Variants in COMMD1 observed in about 807,000 individuals in gnomAD.
COMMD1 encodes the protein COMM domain-containing protein 1.
A neutral mutation model predicts 17.2 loss-of-function variants in COMMD1; 10 were observed. The observed-to-expected ratio is 0.58, with a 90% CI of 0.36 to 0.99. The LOEUF (loss-of-function observed/expected upper bound fraction) is 0.99. Ranked by LOEUF, COMMD1 falls within the 50% of genes least tolerant of loss-of-function variation. The pLI is 0.01. For synonymous variants in COMMD1, 97 were observed against 91.6 expected (o/e 1.06, Z -0.34); for missense variants, 270 against 231.8 (o/e 1.17, Z -1.07).
chr2:62,102,214 C>T lies in COMMD1; in HGVS notation c.463-33617C>T, dbSNP rs553557373. Reference sequence around the variant, plus strand: ...AGTCCTAATGCCTTATGACATCTCACGTTGACTATAAATCACCTGGACTCC... The same window carrying T: ...AGTCCTAATGCCTTATGACATCTCATGTTGACTATAAATCACCTGGACTCC... On this transcript the variant is annotated intron_variant, in intron 2 of 2. Transcript: ENST00000311832. Among the ~76,000 whole-genome samples, 177 of 152,308 alleles carry T rather than the reference C, an allele frequency of 1.2e-3. 2 individuals carry two copies. Among genetic ancestry groups the T allele is most frequent in the African/African-American group, 4.2e-3 (173 of 41,552 alleles).
At position 62,135,874 on chromosome 2, in the gene COMMD1, A is replaced by C; in HGVS notation, c.506A>C (p.Asn169Thr). The C allele has an allele frequency of 1.2e-6, 2 of 1,604,542 alleles. No homozygotes were observed. Among genetic ancestry groups the C allele is most frequent in the Non-Finnish European group, 1.7e-6 (2 of 1,171,278 alleles). ...LCLEFDEVKV[N>T]QILKTLSEVE... ...TTGGAATTTGATGAGGTCAAAGTCA[A>C]CCAAATTCTGAAGACGCTGTCAGAG... Residue 169 changes from asparagine (N) to threonine (T), a missense_variant, in exon 3 of 3, where the codon AAC (asparagine) becomes ACC (threonine). Transcript: ENST00000311832.
At chr2:62,098,842 C>G (rs1039274419) in intron 2 of COMMD1, among the ~76,000 whole-genome samples, 1 of 152,204 alleles carries the variant, frequency 6.6e-6, no homozygotes, top group African/African-American at 2.4e-5. Context: ...CAGCTTTGTT[C>G]TGGGGACCAG....
chr2:62,036,686 T>C (rs1045204940), intron 2 of COMMD1, among the ~76,000 whole-genome samples: 1 of 152,242 alleles, frequency 6.6e-6, no homozygotes, highest in Non-Finnish European at 1.5e-5. Context: ...AGTTCTAATG[T>C]TCGTGATGCT....
chr2:62,026,055 T>G (rs972948556), intron 2 of COMMD1, among the ~76,000 whole-genome samples: 1 of 152,102 alleles, frequency 6.6e-6, no homozygotes, highest in African/African-American at 2.4e-5. Context: ...AGGTGAATTA[T>G]CATACAACTA....
intron 1 of COMMD1, among the ~76,000 whole-genome samples, chr2:61,889,202 CTTTTTTTTTTT>C (rs34949326): frequency 1.8e-4 from 10 of 54,786 alleles, no homozygotes; most frequent in Admixed American, 6.5e-4. Flanking sequence ...GAAGCCCGGC[CTTTTTTTTTTT>C]TTTTTTTTTT....
chr2:61,988,476 T>C (rs1456651798), intron 1 of COMMD1, among the ~76,000 whole-genome samples: 1 of 152,172 alleles, frequency 6.6e-6, no homozygotes, highest in Non-Finnish European at 1.5e-5. Context: ...GGGCCTGGAA[T>C]GGGGGCCTCA....
intron 2 of COMMD1, among the ~76,000 whole-genome samples, chr2:62,023,569 C>G (rs912244128): frequency 6.6e-6 from 1 of 151,916 alleles, no homozygotes; most frequent in African/African-American, 2.4e-5. Flanking sequence ...CTGCAAGCTT[C>G]ACCTCCTGGG....
intron 2 of COMMD1, among the ~76,000 whole-genome samples, chr2:62,130,156 A>C (rs1672990652): frequency 8.0e-6 from 1 of 124,942 alleles, no homozygotes. Context: ...CTCTGTCTCA[A>C]AAAAAAAAAA....
chr2:61,970,391 G>A (rs893809877), intron 1 of COMMD1, among the ~76,000 whole-genome samples: 4 of 152,024 alleles, frequency 2.6e-5, no homozygotes, highest in African/African-American at 7.2e-5. Context: ...CTAGGATCTC[G>A]AAAATCCTCA....
chr2:61,920,126 T>C (rs1670150127), intron 1 of COMMD1, among the ~76,000 whole-genome samples: 2 of 152,140 alleles, frequency 1.3e-5, no homozygotes, highest in Admixed American at 1.3e-4. Context: ...TTTCTGTCTT[T>C]TCTCTTTTTC....
chr2:61,925,607 C>T (rs892632046), intron 1 of COMMD1, among the ~76,000 whole-genome samples: 11 of 151,972 alleles, frequency 7.2e-5, no homozygotes, highest in Admixed American at 3.9e-4. Flanking sequence ...CTGGCTTCAC[C>T]GTGGAGCCTA....
chr2:62,048,463 C>T (rs945612040), intron 2 of COMMD1, among the ~76,000 whole-genome samples: 2 of 152,078 alleles, frequency 1.3e-5, no homozygotes, highest in Admixed American at 6.5e-5. Flanking sequence ...GCTGGGATTA[C>T]AGGCATGAGC....
intron 2 of COMMD1, among the ~76,000 whole-genome samples, chr2:62,062,274 TG>T (rs1423629909): frequency 6.6e-6 from 1 of 151,886 alleles, no homozygotes; most frequent in Non-Finnish European, 1.5e-5. Context: ...TTGCCCAGGC[TG>T]GAGTGCAGTG....
chr2:62,047,532 G>T (rs995956089), intron 2 of COMMD1, among the ~76,000 whole-genome samples: 1 of 151,258 alleles, frequency 6.6e-6, no homozygotes, highest in Non-Finnish European at 1.5e-5. Flanking sequence ...TTGGCTCACT[G>T]CAACCTCCGC....
At chr2:62,084,777 T>C (rs982248635) in intron 2 of COMMD1, 6 of 152,214 alleles carry the variant, frequency 3.9e-5, no homozygotes, top group Non-Finnish European at 7.3e-5. Context: ...CCATCACTGT[T>C]ATAACTGGCC....
In COMMD1 at chr2:62,121,400, C is replaced by T. The variant is rs1223011588; in HGVS notation, c.463-14431C>T. 5.0e-5 allele frequency among the ~76,000 whole-genome samples: 5 copies of T among 100,146 alleles called. No homozygotes were observed. In the East Asian group the frequency reaches 9.1e-4, roughly 18 times the overall value. 65.7% of individuals were successfully genotyped at this position (100,146 alleles called of 152,430 possible). ...AAAAAAAAAAAAAAAAAAAAAAATT[C>T]CTGCCTAAAATGAAAAGTTGTAAAA... On this transcript the variant is annotated intron_variant, in intron 2 of 2. Coordinates refer to ENST00000311832, the MANE Select transcript of COMMD1 (RefSeq NM_152516.4).
At chr2:62,103,200 G>A (rs961107050) in intron 2 of COMMD1, among the ~76,000 whole-genome samples, 1 of 152,142 alleles carries the variant, frequency 6.6e-6, no homozygotes, top group South Asian at 2.1e-4. Context: ...GAACGATCTC[G>A]ATCTCCTGAC....
chr2:61,888,542 G>A (rs761488337), upstream of COMMD1: 7 of 1,599,334 alleles, frequency 4.4e-6, no homozygotes, highest in Admixed American at 5.1e-5. Flanking sequence ...GGCTCGGGAA[G>A]GACGGATGGA....
At chr2:61,938,750 G>T (rs1670663994) in intron 1 of COMMD1, among the ~76,000 whole-genome samples, 1 of 152,128 alleles carries the variant, frequency 6.6e-6, no homozygotes, top group Non-Finnish European at 1.5e-5. Context: ...TGGTTAACAG[G>T]ATGCCAAATG....
Sources: gnomAD v4.1 joint callset for allele counts (sites outside exome capture counted in the v4.1 genomes callset) on GRCh38, gnomAD v4.1.1 for gene constraint, MANE v1.5 for transcripts, NCBI Gene and HGNC (gene_info 2026-07-23, HGNC 2026-07-21) for gene names.